PTPRR: variants seen among roughly 807,000 people sequenced by gnomAD.
PTPRR encodes the protein receptor-type tyrosine-protein phosphatase R.
Under a neutral mutation model 77.2 loss-of-function variants are expected in PTPRR, and 38 were observed. That is an observed-to-expected ratio of 0.49 (90% CI 0.38 to 0.65). PTPRR has a LOEUF of 0.65. Among genes scored for constraint, PTPRR ranks in the 30% least tolerant of loss-of-function variants. The pLI, the probability that PTPRR is intolerant of heterozygous loss-of-function variation, is 0.00. For missense variants in PTPRR, 744 were observed against 799.2 expected (o/e 0.93, Z 0.83); for synonymous variants, 299 against 283.1 (o/e 1.06, Z -0.57).
At chr12:70,691,638 C>T (rs756747074) in intron 8 of PTPRR, among the ~76,000 whole-genome samples, 1 of 152,132 alleles carries the variant, frequency 6.6e-6, no homozygotes, top group Non-Finnish European at 1.5e-5. Flanking sequence ...TCCTCATGCC[C>T]TTCATGTGTT....
At chr12:70,754,849 C>A (rs1170728040) in intron 4 of PTPRR, 2 of 983,606 alleles carry the variant, frequency 2.0e-6, no homozygotes, top group Non-Finnish European at 2.8e-6. Context: ...GCTGTCAAAA[C>A]CTGACTAAAA....
intron 2 of PTPRR, among the ~76,000 whole-genome samples, chr12:70,777,416 T>G (rs1891114183): frequency 1.3e-5 from 2 of 152,164 alleles, no homozygotes; most frequent in African/African-American, 2.4e-5. Context: ...AAAATATATT[T>G]AAGCCATTAT....
At chr12:70,758,390 C>A (rs1408661588) in intron 4 of PTPRR, among the ~76,000 whole-genome samples, 1 of 144,632 alleles carries the variant, frequency 6.9e-6, no homozygotes, top group South Asian at 2.1e-4. Flanking sequence ...GTATAGGGAG[C>A]TTCTTTTGGT....
chr12:70,915,228 T>A (rs1452958667), intron 1 of PTPRR, among the ~76,000 whole-genome samples: 1 of 152,174 alleles, frequency 6.6e-6, no homozygotes, highest in Non-Finnish European at 1.5e-5. Flanking sequence ...AACAAGAACA[T>A]ACATTACAAT....
rs76750989 is a variant in PTPRR at position 70,749,115 on chromosome 12, C to G, written c.739-3029G>C. ...CTGCTACTACTGGAGTTATTTGTGG[C>G]CAGAAATATATGTTCACAAGACAGA... On this transcript the variant is annotated intron_variant, in intron 5 of 13. Transcript: ENST00000283228. 6.0e-3 allele frequency among the ~76,000 whole-genome samples: 909 copies of G among 152,094 alleles called. 27 individuals carry two copies. In the South Asian group the frequency reaches 0.068, roughly 11 times the overall value.
intron 6 of PTPRR, among the ~76,000 whole-genome samples, chr12:70,728,371 C>G (rs1889525030): frequency 7.3e-6 from 1 of 137,808 alleles, no homozygotes; most frequent in Non-Finnish European, 1.6e-5. Flanking sequence ...AACAAAAAAT[C>G]CAAAATCTGA....
chr12:70,915,436 C>G (rs1893761193), intron 1 of PTPRR, among the ~76,000 whole-genome samples: 1 of 152,138 alleles, frequency 6.6e-6, no homozygotes, highest in Admixed American at 6.5e-5. Flanking sequence ...TATGTCATCT[C>G]CAATATACAT....
intron 1 of PTPRR, among the ~76,000 whole-genome samples, chr12:70,917,017 A>G (rs1289461380): frequency 2.6e-5 from 4 of 152,250 alleles, no homozygotes; most frequent in Non-Finnish European, 2.9e-5. Context: ...ATATATCTCA[A>G]AAATGTACTC....
chr12:70,666,935 GTTTTTTTTTTTTTTTTTTTTTTTTT>G (rs142691396), intron 10 of PTPRR, among the ~76,000 whole-genome samples: 4,816 of 29,076 alleles, frequency 0.17, 334 homozygotes, highest in East Asian at 0.46. Flanking sequence ...GTGTTTTTCT[GTTTTTTTTTTTTTTTTTTTTTTTTT>G]TTTTTTTTTT....
At chr12:70,707,666 A>G (rs1464340843) in intron 6 of PTPRR, among the ~76,000 whole-genome samples, 1 of 152,226 alleles carries the variant, frequency 6.6e-6, no homozygotes. Context: ...AAACTAACTC[A>G]AAATCTCTTG....
At chr12:70,792,417 G>A (rs567880548) in intron 2 of PTPRR, among the ~76,000 whole-genome samples, 1 of 152,086 alleles carries the variant, frequency 6.6e-6, no homozygotes, top group African/African-American at 2.4e-5. Context: ...GACAAGTAAA[G>A]GTTGGACCCA....
chr12:70,778,311 C>T (rs1592751970), intron 2 of PTPRR, among the ~76,000 whole-genome samples: 1 of 152,040 alleles, frequency 6.6e-6, no homozygotes, highest in African/African-American at 2.4e-5. Context: ...CTTGCCTTTC[C>T]CACCCCTCAT....
chr12:70,651,379 C>A (rs140988271), intron 13 of PTPRR, among the ~76,000 whole-genome samples: 237 of 152,332 alleles, frequency 1.6e-3, no homozygotes, highest in African/African-American at 5.4e-3. Flanking sequence ...AAAGATAATT[C>A]TTTTAAAAGA....
intron 6 of PTPRR, among the ~76,000 whole-genome samples, chr12:70,745,123 G>A (rs1890171808): frequency 1.3e-5 from 2 of 152,056 alleles, no homozygotes; most frequent in African/African-American, 4.8e-5. Context: ...GGAGTGCAGT[G>A]ATGCTATCTC....
chr12:70,651,690 G>C (rs1034743220), intron 13 of PTPRR, among the ~76,000 whole-genome samples: 1 of 152,302 alleles, frequency 6.6e-6, no homozygotes, highest in East Asian at 1.9e-4. Flanking sequence ...TAAAATGGCA[G>C]AGTATTATCA....
chr12:70,667,019 G>A lies in PTPRR; in HGVS notation c.1498-4414C>T, dbSNP rs548194434. ...CACTCAGGCTGGAGTGCAGTGGCAC[G>A]ATCTTGGCTCACTGCAAGCTCCGCC... On this transcript the variant is annotated intron_variant, in intron 10 of 13. Transcript: ENST00000283228. Among the ~76,000 whole-genome samples, 4 of 125,228 alleles carry A rather than the reference G, an allele frequency of 3.2e-5. No homozygotes were observed. The East Asian group carries it at 9.9e-4, about 31-fold the overall frequency. The allele number at this position is 125,228 out of a possible 152,430, so 82.2% of individuals were successfully genotyped here. A position where few individuals can be genotyped will look rare whatever the true frequency, so the allele number is the denominator to read the frequency against.
At chr12:70,783,582 A>C (rs999794411) in intron 2 of PTPRR, among the ~76,000 whole-genome samples, 1 of 152,016 alleles carries the variant, frequency 6.6e-6, no homozygotes, top group Non-Finnish European at 1.5e-5. Flanking sequence ...GGGGAAGTGC[A>C]TGCTGACTGG....
intron 8 of PTPRR, among the ~76,000 whole-genome samples, chr12:70,688,035 A>G (rs1201872780): frequency 6.6e-6 from 1 of 152,112 alleles, no homozygotes; most frequent in East Asian, 1.9e-4. Flanking sequence ...ATTTCCTACA[A>G]TTGTTGGTCA....
At chr12:70,914,851 A>C (rs1893752139) in intron 1 of PTPRR, among the ~76,000 whole-genome samples, 1 of 152,148 alleles carries the variant, frequency 6.6e-6, no homozygotes, top group Non-Finnish European at 1.5e-5. Flanking sequence ...CAACAACAAC[A>C]ACAAAAACAA....
Sources: gnomAD v4.1 joint callset for allele counts (sites outside exome capture counted in the v4.1 genomes callset) on GRCh38, gnomAD v4.1.1 for gene constraint, MANE v1.5 for transcripts, NCBI Gene and HGNC (gene_info 2026-07-23, HGNC 2026-07-21) for gene names.